CSMD3: variants seen among roughly 807,000 people sequenced by gnomAD.
CSMD3 encodes CUB and sushi domain-containing protein 3.
In CSMD3, 177 loss-of-function variants were observed where a neutral mutation model predicts 435.2. That is an observed-to-expected ratio of 0.41 (90% confidence interval 0.36 to 0.46). The LOEUF is 0.46. Ranked by LOEUF, CSMD3 falls within the 20% of genes least tolerant of loss-of-function variation. The pLI is 0.34. For missense variants in CSMD3, 4,265 were observed against 4,504.6 expected (o/e 0.95, Z 1.52); for synonymous variants, 1,656 against 1,520.5 (o/e 1.09, Z -2.07).
chr8:113,340,423 CTACA>C (rs2094110456), intron 1 of CSMD3, among the ~76,000 whole-genome samples: 1 of 152,026 alleles, frequency 6.6e-6, no homozygotes, highest in Non-Finnish European at 1.5e-5. Context: ...TTAGAGTAAC[CTACA>C]TACTTATTCA....
intron 6 of CSMD3, among the ~76,000 whole-genome samples, chr8:113,010,343 T>C (rs1382709581): frequency 1.3e-5 from 2 of 151,780 alleles, no homozygotes; most frequent in African/African-American, 4.8e-5. Flanking sequence ...CCCTGAAAGT[T>C]TGAACATTTA....
At chr8:112,394,073 T>C (rs1173522088) in intron 35 of CSMD3, among the ~76,000 whole-genome samples, 1 of 152,126 alleles carries the variant, frequency 6.6e-6, no homozygotes, top group Non-Finnish European at 1.5e-5. Context: ...ATGTCCAAAA[T>C]AATAACTTTG....
At chr8:113,104,441 T>A (rs1354445) in intron 4 of CSMD3, among the ~76,000 whole-genome samples, 102,048 of 151,746 alleles carry the variant, frequency 0.67, 35,906 homozygotes, top group East Asian at 0.95. Flanking sequence ...ATTAGCCATC[T>A]TATTACATAT....
chr8:113,350,265 T>C lies in CSMD3; in HGVS notation c.179-35472A>G, dbSNP rs995016493. Among the ~76,000 whole-genome samples the C allele has an allele frequency of 3.9e-5, 6 of 152,098 alleles. No homozygotes were observed. In the East Asian group the frequency reaches 9.7e-4, roughly 24 times the overall value. ...TGAATCGTTGTTTTTAAGTCATTAA[T>C]TTGTGGAAATAATTTCTTGCCTTGC... is the stretch of plus-strand genomic sequence containing the variant. On this transcript the variant is annotated intron_variant, in intron 1 of 70. Coordinates refer to ENST00000297405, the MANE Select transcript of CSMD3 (RefSeq NM_198123.2).
chr8:112,596,167 G>A (rs1283865337), intron 22 of CSMD3, among the ~76,000 whole-genome samples: 2 of 151,630 alleles, frequency 1.3e-5, no homozygotes, highest in East Asian at 3.9e-4. Context: ...AAGGATGGAG[G>A]AAGATCTACC....
chr8:113,426,272 A>C (rs2094635332), intron 1 of CSMD3, among the ~76,000 whole-genome samples: 1 of 151,418 alleles, frequency 6.6e-6, no homozygotes, highest in African/African-American at 2.4e-5. Context: ...GCATAATGAA[A>C]ATATAGTTTA....
chr8:113,212,803 G>T (rs2092853680), intron 3 of CSMD3, among the ~76,000 whole-genome samples: 1 of 151,096 alleles, frequency 6.6e-6, no homozygotes, highest in Non-Finnish European at 1.5e-5. Context: ...GGAGTTAATG[G>T]GTGCAGCACA....
chr8:112,278,174 G>A (rs1190717157), intron 59 of CSMD3, among the ~76,000 whole-genome samples: 1 of 152,178 alleles, frequency 6.6e-6, no homozygotes, highest in African/African-American at 2.4e-5. Context: ...CTGGCAGTGA[G>A]TAGGGTGGCC....
At chr8:112,796,062 G>A (rs1210684691) in intron 13 of CSMD3, among the ~76,000 whole-genome samples, 1 of 152,082 alleles carries the variant, frequency 6.6e-6, no homozygotes, top group Non-Finnish European at 1.5e-5. Context: ...TTATTTTGAT[G>A]TGTACCTGAT....
Position 112,878,030 on chromosome 8 carries a change from C to A in CSMD3, c.1634-18764G>T, listed in dbSNP as rs563907351. 1.3e-4 allele frequency among the ~76,000 whole-genome samples: 20 copies of A among 152,144 alleles called. No homozygotes were observed. In the South Asian group the frequency reaches 3.9e-3, roughly 30 times the overall value. On this transcript the variant is annotated intron_variant, in intron 10 of 70. Transcript: ENST00000297405. Reference sequence around the variant, plus strand: ...TGGACAAATACTTCATGAGTAAACACCAAAAGCAATTTCAACAAAAGCCAA... The same window carrying A: ...TGGACAAATACTTCATGAGTAAACAACAAAAGCAATTTCAACAAAAGCCAA...
chr8:112,318,032 G>A (rs941765294), intron 47 of CSMD3, among the ~76,000 whole-genome samples: 3 of 151,974 alleles, frequency 2.0e-5, no homozygotes, highest in Admixed American at 2.0e-4. Context: ...AATGTTTTTT[G>A]AACATCACAG....
intron 23 of CSMD3, among the ~76,000 whole-genome samples, chr8:112,576,835 C>T (rs72609812): frequency 1.4e-5 from 1 of 71,570 alleles, no homozygotes; most frequent in Non-Finnish European, 3.7e-5. Flanking sequence ...AGGCAGCATA[C>T]ATATATATAT....
At chr8:113,349,390 T>C (rs993287252) in intron 1 of CSMD3, among the ~76,000 whole-genome samples, 1 of 152,124 alleles carries the variant, frequency 6.6e-6, no homozygotes, top group Non-Finnish European at 1.5e-5. Context: ...CTATTGAATG[T>C]GAAGATGTGC....
At position 113,005,193 on chromosome 8, in the gene CSMD3, G is replaced by A. The variant is rs76814078; in HGVS notation, c.1030+13874C>T. On this transcript the variant is annotated intron_variant, in intron 6 of 70. Coordinates refer to ENST00000297405, the MANE Select transcript of CSMD3 (RefSeq NM_198123.2). ...GTCATTTGGTAAACCTAGAAGGAAG[G>A]ACAAATCATTCGTTTTCTCAGTCAT... Among the ~76,000 whole-genome samples, 338 of 151,810 alleles carry A rather than the reference G, an allele frequency of 2.2e-3. 2 individuals are homozygous for A. The highest frequency in any genetic ancestry group is 7.8e-3 in the African/African-American group (323 of 41,458).
Position 112,849,250 on chromosome 8 carries a change from G to A in CSMD3, c.1755+9895C>T, listed in dbSNP as rs537872892. ...CCTCTCAAAGAATTGTATTTTCTTC[G>A]TTGTGAGATTTGCTGACATCCTGGA... On this transcript the variant is annotated intron_variant, in intron 11 of 70. Transcript: ENST00000297405. Among the ~76,000 whole-genome samples the A allele has an allele frequency of 6.6e-5, 10 of 151,802 alleles. No individual in the cohort carries two copies. In the East Asian group the frequency reaches 7.7e-4, roughly 12 times the overall value.
Position 113,332,181 on chromosome 8 carries a change from G to A in CSMD3, c.179-17388C>T, listed in dbSNP as rs182500050. Among the ~76,000 whole-genome samples the A allele has an allele frequency of 7.9e-5, 12 of 151,096 alleles. No homozygotes were observed. In the East Asian group the frequency reaches 1.9e-3, roughly 24 times the overall value. On this transcript the variant is annotated intron_variant, in intron 1 of 70. Transcript: ENST00000297405. Reference sequence around the variant, plus strand: ...TGCAATAGCATTTAGTCTAAAAAACGTGCATGCCTTAATTAAAAAAATACT... The same window carrying A: ...TGCAATAGCATTTAGTCTAAAAAACATGCATGCCTTAATTAAAAAAATACT...
At chr8:113,338,683 G>T (rs1415993008) in intron 1 of CSMD3, among the ~76,000 whole-genome samples, 1 of 151,904 alleles carries the variant, frequency 6.6e-6, no homozygotes. Flanking sequence ...GCAAATCTAT[G>T]CAGACAGAAA....
intron 13 of CSMD3, among the ~76,000 whole-genome samples, chr8:112,771,612 T>C (rs1176517374): frequency 5.3e-5 from 8 of 151,948 alleles, no homozygotes; most frequent in African/African-American, 1.7e-4. Flanking sequence ...GAGCAATAAT[T>C]AATTTCTAAT....
chr8:113,089,751 T>C (rs1288657494), intron 5 of CSMD3, among the ~76,000 whole-genome samples: 2 of 152,144 alleles, frequency 1.3e-5, no homozygotes, highest in Non-Finnish European at 2.9e-5. Context: ...CCCTTTGTTA[T>C]TGGACTTTGC....
Sources: allele counts gnomAD v4.1 joint callset (sites outside exome capture counted in the v4.1 genomes callset), GRCh38; gene constraint gnomAD v4.1.1; transcripts MANE v1.5; gene names NCBI Gene and HGNC (gene_info 2026-07-23, HGNC 2026-07-21).